KCNQ1: variants seen among roughly 807,000 people sequenced by gnomAD.
KCNQ1 encodes the protein potassium voltage-gated channel subfamily Q member 1, also known as potassium voltage-gated channel subfamily KQT member 1.
A neutral mutation model predicts 72.4 loss-of-function variants in KCNQ1; 49 were observed. The ratio of observed to expected loss-of-function variants is 0.68; its 90% CI spans 0.54 to 0.86. KCNQ1 has a LOEUF of 0.86. Ranked by LOEUF, KCNQ1 falls within the 40% of genes least tolerant of loss-of-function variation. The pLI, the probability that KCNQ1 is intolerant of heterozygous loss-of-function variation, is 0.00. For synonymous variants in KCNQ1, 450 were observed against 412.6 expected (o/e 1.09, Z -1.10); for missense variants, 790 against 945.1 (o/e 0.84, Z 2.15).
Position 2,627,636 on chromosome 11 carries a change from T to G in KCNQ1, c.1394-34325T>G, listed in dbSNP as rs1849282431. The G allele has an allele frequency of 2.5e-6, 1 of 398,508 alleles. No individual in the cohort carries two copies. The highest frequency in any genetic ancestry group is 4.4e-6 in the Non-Finnish European group (1 of 226,076). The allele number at this position is 398,508 out of a possible 1,614,324, so 24.7% of individuals were successfully genotyped here. On this transcript the variant is annotated intron_variant, in intron 10 of 15. Transcript: ENST00000155840. The surrounding 1 kb of genome is among the most constrained non-coding windows in gnomAD (Gnocchi z 4.9). Reference sequence around the variant, plus strand: ...TGTCATAAATTGCATGATTTCCTGCTTTTTAAAGGATGAATATTTCATTGT... The same window carrying G: ...TGTCATAAATTGCATGATTTCCTGCGTTTTAAAGGATGAATATTTCATTGT...
chr11:2,532,962 G>A (rs1056913146), intron 2 of KCNQ1, among the ~76,000 whole-genome samples: 3 of 152,200 alleles, frequency 2.0e-5, no homozygotes, highest in African/African-American at 7.2e-5. Flanking sequence ...GACGCCAGAG[G>A]GCGCTCGTGC....
rs147466392 is a variant in KCNQ1, at chr11:2,451,135, G to A, written c.386+5651G>A. Among the ~76,000 whole-genome samples the A allele has an allele frequency of 6.3e-3, 966 of 152,262 alleles. 11 individuals carry two copies. Among genetic ancestry groups the A allele is most frequent in the African/African-American group, 0.022 (932 of 41,544 alleles). ...CCCTTCTGCAGAAACACCGTTCCCC[G>A]TAGAGCAGCAGTCCCCAACCTTTTT... On this transcript the variant is annotated intron_variant, in intron 1 of 15. Transcript: ENST00000155840. The surrounding 1 kb of genome is among the most constrained non-coding windows in gnomAD (Gnocchi z 6.4).
Position 2,829,983 on chromosome 11 carries a change from GAGGAGGAAGGAAGAGGGAGGAGGA to G in KCNQ1, c.1795-17776_1795-17753del, listed in dbSNP as rs1275312883. On this transcript the variant is annotated intron_variant, in intron 15 of 15. Transcript: ENST00000155840. ...AGGAGGATGAGAAGGAAGGAGGAGG[GAGGAGGAAGGAAGAGGGAGGAGGA>G]AGGAGGAGGAAGGAGGAGGAAGGAG... Among the ~76,000 whole-genome samples, 3 of 140,430 alleles carry G rather than the reference GAGGAGGAAGGAAGAGGGAGGAGGA, an allele frequency of 2.1e-5. No homozygotes were observed. The East Asian group carries it at 6.9e-4, about 32-fold the overall frequency. 92.1% of individuals were successfully genotyped at this position (140,430 alleles called of 152,430 possible).
chr11:2,640,876 C>T, intron 10 of KCNQ1: 1 of 399,646 alleles, frequency 2.5e-6, no homozygotes, highest in Non-Finnish European at 4.4e-6. Context: ...TACTCTCTAC[C>T]TCCATGAGAT....
intron 11 of KCNQ1, chr11:2,662,977 C>A (rs1464092657): frequency 7.5e-6 from 3 of 398,602 alleles, no homozygotes; most frequent in Non-Finnish European, 1.3e-5. Context: ...TTGCAGCCAG[C>A]CAGGTGCAAG....
chr11:2,545,231 G>A (rs1243488572), intron 2 of KCNQ1, among the ~76,000 whole-genome samples: 1 of 152,200 alleles, frequency 6.6e-6, no homozygotes, highest in Non-Finnish European at 1.5e-5. Context: ...GAGGGATATT[G>A]TCTATATATT....
In KCNQ1 at chr11:2,508,492, C is replaced by A. The variant is rs1847141869; in HGVS notation, c.387-19436C>A. 6.6e-6 allele frequency among the ~76,000 whole-genome samples: 1 copy of A among 151,998 alleles called. No homozygotes were observed. The highest frequency in any genetic ancestry group is 2.4e-5 in the African/African-American group (1 of 41,386). ...GTGGGTCCTGAGTGGAGTGTCCCAT[C>A]TGTCATGCAGAGAGGGTGATGATAT... is the stretch of plus-strand genomic sequence containing the variant. On this transcript the variant is annotated intron_variant, in intron 1 of 15. Transcript: ENST00000155840. This position sits in a 1 kb window ranked among gnomAD's most constrained non-coding sequence, Gnocchi z 6.2.
rs149572037 is a variant in KCNQ1, at chr11:2,658,023, T to A, written c.1394-3938T>A. 3.0e-3 allele frequency: 1,181 copies of A among 398,562 alleles called. 11 individuals carry two copies. The highest frequency in any genetic ancestry group is 0.021 in the African/African-American group (1,011 of 48,734). The allele number at this position is 398,562 out of a possible 1,614,324, so 24.7% of individuals were successfully genotyped here. A position where few individuals can be genotyped will look rare whatever the true frequency, so the allele number is the denominator to read the frequency against. The stretch of plus-strand genomic sequence containing the variant: ...ATAGCTGTTTTTCCCTTTCCATAGC[T>A]TAGTCTTTAGAAGCGAGTCACTAAG... On this transcript the variant is annotated intron_variant, in intron 10 of 15. Coordinates refer to ENST00000155840, the MANE Select transcript of KCNQ1 (RefSeq NM_000218.3). The surrounding 1 kb of genome is among the most constrained non-coding windows in gnomAD (Gnocchi z 4.9).
chr11:2,594,480 A>G (rs1848709477), intron 10 of KCNQ1, among the ~76,000 whole-genome samples: 1 of 152,216 alleles, frequency 6.6e-6, no homozygotes, highest in African/African-American at 2.4e-5. Flanking sequence ...GTGGAAAGTC[A>G]GTACCATTAT....
At chr11:2,693,774 G>T in intron 11 of KCNQ1, 1 of 398,760 alleles carries the variant, frequency 2.5e-6, no homozygotes, top group Admixed American at 4.4e-5. Context: ...GACATGCTGG[G>T]GCCGGCCAGT....
In KCNQ1 at chr11:2,669,272, C is replaced by G. The variant is rs896347415; in HGVS notation, c.1514+7191C>G. The G allele has an allele frequency of 3.5e-5, 14 of 398,602 alleles. No homozygotes were observed. The highest frequency in any genetic ancestry group is 4.9e-5 in the Non-Finnish European group (11 of 226,138). The allele number at this position is 398,602 out of a possible 1,614,324, so 24.7% of individuals were successfully genotyped here. ...CCTTCCCCATCACTGGCTTTGCTGT[C>G]TTTGCAGGGTTTCTCCTCACCATAC... On this transcript the variant is annotated intron_variant, in intron 11 of 15. Coordinates refer to ENST00000155840, the MANE Select transcript of KCNQ1 (RefSeq NM_000218.3). This position sits in a 1 kb window ranked among gnomAD's most constrained non-coding sequence, Gnocchi z 5.6.
chr11:2,513,958 A>G (rs1050499991), intron 1 of KCNQ1, among the ~76,000 whole-genome samples: 7 of 152,136 alleles, frequency 4.6e-5, no homozygotes, highest in Admixed American at 4.6e-4. Context: ...GGCCTGTCCC[A>G]TGCTGGCTCA....
At chr11:2,667,076 A>G (rs1300568840) in intron 11 of KCNQ1, 1 of 398,450 alleles carries the variant, frequency 2.5e-6, no homozygotes, top group African/African-American at 2.1e-5. Context: ...GCACGGGGGG[A>G]TTAAATGTTC....
At position 2,652,310 on chromosome 11, in the gene KCNQ1, G is replaced by T; in HGVS notation, c.1394-9651G>T. ...AGGCTTCTCCCTCACTAATTGCTTTGATTATTGTGTGAAGTTAAGAACTGG... is the reference window on the plus strand; with the variant it reads ...AGGCTTCTCCCTCACTAATTGCTTTTATTATTGTGTGAAGTTAAGAACTGG... On this transcript the variant is annotated intron_variant, in intron 10 of 15. Transcript: ENST00000155840. The surrounding 1 kb of genome is among the most constrained non-coding windows in gnomAD (Gnocchi z 5.9). The T allele has an allele frequency of 2.5e-6, 1 of 398,622 alleles. No homozygotes were observed. The highest frequency in any genetic ancestry group is 1.3e-4 in the South Asian group (1 of 7,844). 24.7% of individuals were successfully genotyped at this position (398,622 alleles called of 1,614,324 possible). A position where few individuals can be genotyped will look rare whatever the true frequency, so the allele number is the denominator to read the frequency against.
rs902718516 is a variant in KCNQ1, at chr11:2,572,769, C to T, written c.781-77C>T. On this transcript the variant is annotated intron_variant, in intron 5 of 15. Transcript: ENST00000155840. ...AGGACGCCCAGTGATCGCTGGGACTCGCTGCCTTAGGCGTCTGCACAGGAG... is the reference window on the plus strand; with the variant it reads ...AGGACGCCCAGTGATCGCTGGGACTTGCTGCCTTAGGCGTCTGCACAGGAG... 1.1e-5 allele frequency: 17 copies of T among 1,590,698 alleles called. No individual in the cohort carries two copies. In the Admixed American group the frequency reaches 1.4e-4, roughly 13 times the overall value.
chr11:2,749,762 A>G (rs112899037), intron 11 of KCNQ1, among the ~76,000 whole-genome samples: 22,271 of 151,170 alleles, frequency 0.15, 1,806 homozygotes, highest in East Asian at 0.29. Flanking sequence ...GCAGTGAGCC[A>G]AGATTGCGCC....
chr11:2,467,229 A>T (rs148336053), intron 1 of KCNQ1, among the ~76,000 whole-genome samples: 1 of 152,078 alleles, frequency 6.6e-6, no homozygotes, highest in Non-Finnish European at 1.5e-5. Flanking sequence ...TTATCTCCCC[A>T]TTGCACAGGG....
At chr11:2,635,598 T>C (rs895029110) in intron 10 of KCNQ1, 4 of 152,210 alleles carry the variant, frequency 2.6e-5, no homozygotes, top group Non-Finnish European at 5.9e-5. Flanking sequence ...TGTAGTATAG[T>C]TTGAAGTCAG....
intron 10 of KCNQ1, chr11:2,618,025 GT>G: frequency 2.5e-6 from 1 of 398,520 alleles, no homozygotes; most frequent in East Asian, 3.6e-5. Flanking sequence ...CTGTGCAGAA[GT>G]TTTTTAGTTT....
Sources: gnomAD v4.1 joint callset for allele counts (sites outside exome capture counted in the v4.1 genomes callset) on GRCh38, gnomAD v4.1.1 for gene constraint, Gnocchi (gnomAD v3.1) non-coding constraint, MANE v1.5 for transcripts, NCBI Gene and HGNC (gene_info 2026-07-23, HGNC 2026-07-21) for gene names.